The following SPMIP2 variants were observed in gnomAD, a reference collection of about 807,000 sequenced individuals.
SPMIP2 encodes protein SPMIP2.
At chr4:158,932,455 T>A in the SPMIP2 span, among the ~76,000 whole-genome samples, 1 of 152,058 alleles carries the variant, frequency 6.6e-6, no homozygotes, top group Non-Finnish European at 1.5e-5. Context: ...GGTGACAGAG[T>A]GAGACTCTGT....
chr4:159,017,895 C>T, the SPMIP2 span, among the ~76,000 whole-genome samples: 1 of 152,152 alleles, frequency 6.6e-6, no homozygotes, highest in Non-Finnish European at 1.5e-5. Flanking sequence ...CAACACAAAG[C>T]GAGATGTGGG....
the SPMIP2 span, among the ~76,000 whole-genome samples, chr4:159,052,980 G>T: frequency 7.8e-6 from 1 of 127,482 alleles, no homozygotes; most frequent in Non-Finnish European, 1.6e-5. Flanking sequence ...TTTTTGAGAC[G>T]GAGTCTCGCT....
chr4:158,951,263 A>G, the SPMIP2 span, among the ~76,000 whole-genome samples: 2,924 of 152,274 alleles, frequency 0.019, 78 homozygotes, highest in African/African-American at 0.06. Context: ...CAATTTCATC[A>G]CTGTGTGCAC....
chr4:159,074,693 A>G, the SPMIP2 span, among the ~76,000 whole-genome samples: 2 of 152,300 alleles, frequency 1.3e-5, no homozygotes, highest in Admixed American at 1.3e-4. Flanking sequence ...ATGTTTTACA[A>G]TCTCAACAGA....
the SPMIP2 span, among the ~76,000 whole-genome samples, chr4:159,059,903 T>C: frequency 4.1e-4 from 63 of 152,064 alleles, no homozygotes; most frequent in Admixed American, 1.6e-3. Flanking sequence ...TCACGATTCT[T>C]TGGGGTGAGA....
chr4:159,075,461 C>G, the SPMIP2 span, among the ~76,000 whole-genome samples: 1 of 152,084 alleles, frequency 6.6e-6, no homozygotes, highest in Non-Finnish European at 1.5e-5. Context: ...TGTATTGGAT[C>G]ATTTTGTAAT....
chr4:158,997,046 A>G, the SPMIP2 span, among the ~76,000 whole-genome samples: 1 of 152,162 alleles, frequency 6.6e-6, no homozygotes, highest in Non-Finnish European at 1.5e-5. Flanking sequence ...AAAGGAAAAC[A>G]TTCCTCAGAG....
chr4:158,930,817 A>T, the SPMIP2 span, among the ~76,000 whole-genome samples: 1 of 152,136 alleles, frequency 6.6e-6, no homozygotes, highest in Non-Finnish European at 1.5e-5. Flanking sequence ...TTTACTAAGG[A>T]TCTGTTGTAT....
the SPMIP2 span, among the ~76,000 whole-genome samples, chr4:159,019,268 G>A: frequency 8.2e-6 from 1 of 121,392 alleles, no homozygotes; most frequent in Non-Finnish European, 1.6e-5. Context: ...ACAAGCAAGA[G>A]CTCAGAGCTC....
chr4:159,080,775 G>A, the SPMIP2 span, among the ~76,000 whole-genome samples: 2 of 152,028 alleles, frequency 1.3e-5, no homozygotes, highest in Non-Finnish European at 2.9e-5. Context: ...CCAGGCTGGA[G>A]TGCAGTGGCA....
chr4:159,042,370 T>G, the SPMIP2 span, among the ~76,000 whole-genome samples: 3 of 152,260 alleles, frequency 2.0e-5, no homozygotes, highest in Non-Finnish European at 2.9e-5. Context: ...GGAGCACTTC[T>G]CTACATTGGC....
the SPMIP2 span, among the ~76,000 whole-genome samples, chr4:158,949,081 G>T: frequency 6.6e-6 from 1 of 151,824 alleles, no homozygotes; most frequent in Non-Finnish European, 1.5e-5. Context: ...TACTTTTGAA[G>T]GATTAACTCA....
the SPMIP2 span, among the ~76,000 whole-genome samples, chr4:158,990,120 G>A: frequency 2.0e-5 from 3 of 152,082 alleles, no homozygotes; most frequent in South Asian, 6.2e-4. Context: ...ATAAACATAT[G>A]AAAAAAAGCT....
chr4:158,916,864 G>A, the SPMIP2 span, among the ~76,000 whole-genome samples: 1 of 152,188 alleles, frequency 6.6e-6, no homozygotes, highest in East Asian at 1.9e-4. Flanking sequence ...AGCTGGTCTT[G>A]AACTCCTGAC....
At chr4:158,980,576 G>A in the SPMIP2 span, among the ~76,000 whole-genome samples, 10 of 152,186 alleles carry the variant, frequency 6.6e-5, no homozygotes, top group African/African-American at 2.2e-4. Flanking sequence ...GTCTGGAGTG[G>A]ACCTCCAACA....
chr4:158,997,999 T>A, the SPMIP2 span, among the ~76,000 whole-genome samples: 1 of 151,710 alleles, frequency 6.6e-6, no homozygotes, highest in Non-Finnish European at 1.5e-5. Context: ...GTCAGCACAT[T>A]TTTTTTTAAA....
At chr4:158,919,207 C>T in the SPMIP2 span, among the ~76,000 whole-genome samples, 1 of 152,158 alleles carries the variant, frequency 6.6e-6, no homozygotes, top group Admixed American at 6.5e-5. Context: ...CCGTCAAAAG[C>T]AGAGAAAATG....
the SPMIP2 span, among the ~76,000 whole-genome samples, chr4:159,064,981 T>C: frequency 6.6e-6 from 1 of 152,246 alleles, no homozygotes; most frequent in African/African-American, 2.4e-5. Context: ...GCATTAGTAA[T>C]GCATGCAGTT....
chr4:159,011,753 C>CAAAA, the SPMIP2 span, among the ~76,000 whole-genome samples: 3 of 129,660 alleles, frequency 2.3e-5, 1 homozygote, highest in African/African-American at 5.7e-5. Flanking sequence ...AAACTCCATC[C>CAAAA]CAAAAAAAAA....
Sources: gnomAD v4.1 joint callset for allele counts (sites outside exome capture counted in the v4.1 genomes callset) on GRCh38, gnomAD v4.1.1 for gene constraint, MANE v1.5 for transcripts, NCBI Gene and HGNC (gene_info 2026-07-23, HGNC 2026-07-21) for gene names.